HK1: variants seen among roughly 807,000 people sequenced by gnomAD.
The protein encoded by HK1 is hexokinase 1, also known as hexokinase-1.
Under a neutral mutation model 91.6 loss-of-function variants are expected in HK1, and 28 were observed. The observed-to-expected ratio is 0.31, with a 90% confidence interval of 0.23 to 0.42. The LOEUF (loss-of-function observed/expected upper bound fraction) is 0.42. HK1 is among the 10% of genes least tolerant of loss of function. HK1 has a pLI of 1.00. For synonymous variants in HK1, 430 were observed against 468.1 expected (o/e 0.92, Z 1.05); for missense variants, 770 against 1,219.8 (o/e 0.63, Z 5.49).
intron 2 of HK1, among the ~76,000 whole-genome samples, chr10:69,347,192 G>A (rs1199343917): frequency 1.3e-5 from 2 of 151,920 alleles, no homozygotes; most frequent in African/African-American, 4.8e-5. Flanking sequence ...TGTATTTTTA[G>A]TAGAGACGGG....
chr10:69,286,551 CTT>C (rs1257841880), intron 2 of HK1, among the ~76,000 whole-genome samples: 8 of 143,814 alleles, frequency 5.6e-5, no homozygotes, highest in Admixed American at 2.1e-4. Context: ...TCACGCTTTA[CTT>C]TTTTTTTTTT....
At chr10:69,298,365 T>C (rs1845675677) in intron 4 of HK1, among the ~76,000 whole-genome samples, 1 of 151,820 alleles carries the variant, frequency 6.6e-6, no homozygotes, top group African/African-American at 2.4e-5. Context: ...TAGTGACTCA[T>C]ACCTGTAATA....
chr10:69,372,184 T>C (rs1850043307), intron 7 of HK1, among the ~76,000 whole-genome samples: 1 of 152,208 alleles, frequency 6.6e-6, no homozygotes, highest in Non-Finnish European at 1.5e-5. Flanking sequence ...AAGACTTGCT[T>C]CCACGTTCAG....
chr10:69,279,870 A>G (rs1258379996), intron 1 of HK1, among the ~76,000 whole-genome samples: 1 of 152,242 alleles, frequency 6.6e-6, no homozygotes, highest in Admixed American at 6.5e-5. Flanking sequence ...GCTGGAGAGC[A>G]CATGTGCTTG....
Position 69,384,398 on chromosome 10 carries a change from C to T in HK1, c.1636C>T (p.Arg546Cys), listed in dbSNP as rs753390525. 5.6e-6 allele frequency: 9 copies of T among 1,614,046 alleles called. No homozygotes were observed. Among genetic ancestry groups the T allele is most frequent in the African/African-American group, 4.0e-5 (3 of 74,920 alleles). Reference sequence around the variant, plus strand: ...TTTCCGTGTGCTGCTGGTGAAAATCCGTAGTGGGAAAAAGAGAACGGTGGA... The same window carrying T: ...TTTCCGTGTGCTGCTGGTGAAAATCTGTAGTGGGAAAAAGAGAACGGTGGA... ...TNFRVLLVKI[R>C]SGKKRTVEMH... The change falls in exon 11 of 18, where the codon CGT (arginine) becomes TGT (cysteine). Residue 546 changes from arginine (R) to cysteine (C), a missense_variant. Physicochemically the swap from Arg to Cys is radical, Grantham distance 180. This residue lies in a region of HK1 where 48 missense variants were observed against 128.2 expected (regional missense o/e 0.37). Coordinates refer to ENST00000359426, the MANE Select transcript of HK1 (RefSeq NM_000188.3).
At chr10:69,357,214 G>A (rs910306567) in intron 2 of HK1, among the ~76,000 whole-genome samples, 3 of 152,112 alleles carry the variant, frequency 2.0e-5, no homozygotes, top group Non-Finnish European at 2.9e-5. Context: ...AAATGAAAAC[G>A]TGTCCACACA....
chr10:69,373,121 G>A (rs908289426), intron 7 of HK1, among the ~76,000 whole-genome samples: 2 of 152,228 alleles, frequency 1.3e-5, no homozygotes, highest in East Asian at 3.9e-4. Context: ...CAGCCACCTT[G>A]GCCTCTCAAA....
chr10:69,291,862 C>G (rs953910920), intron 3 of HK1, among the ~76,000 whole-genome samples: 32 of 152,214 alleles, frequency 2.1e-4, no homozygotes, highest in Admixed American at 1.4e-3. Context: ...TGTTGCCTTA[C>G]TATTAATTCT....
chr10:69,378,434 T>G, intron 8 of HK1, among the ~76,000 whole-genome samples: 1 of 152,160 alleles, frequency 6.6e-6, no homozygotes, highest in East Asian at 1.9e-4. Flanking sequence ...CCAGTGGGTT[T>G]TCGTTTTTGT....
At chr10:69,302,073 C>T (rs553572696) in intron 5 of HK1, among the ~76,000 whole-genome samples, 80 of 151,894 alleles carry the variant, frequency 5.3e-4, no homozygotes, top group African/African-American at 1.9e-3. Flanking sequence ...TGGTGAAACC[C>T]CATCTCTACT....
At chr10:69,383,663 G>C (rs1399057520) in intron 10 of HK1, among the ~76,000 whole-genome samples, 2 of 152,264 alleles carry the variant, frequency 1.3e-5, no homozygotes, top group African/African-American at 4.8e-5. Context: ...TGTTGAGTCA[G>C]CTGGGAGGCA....
intron 1 of HK1, among the ~76,000 whole-genome samples, chr10:69,277,200 G>T (rs559370966): frequency 6.6e-6 from 1 of 152,006 alleles, no homozygotes; most frequent in Admixed American, 6.6e-5. Context: ...TTGCATCATT[G>T]GTTGCAAGTC....
intron 1 of HK1, among the ~76,000 whole-genome samples, chr10:69,331,817 A>C (rs1714727058): frequency 6.6e-6 from 1 of 152,158 alleles, no homozygotes; most frequent in Admixed American, 6.5e-5. Flanking sequence ...TCAAGGCTGC[A>C]GTGAGCCATG....
chr10:69,295,613 T>C, intron 3 of HK1: 3 of 1,578,438 alleles, frequency 1.9e-6, no homozygotes, highest in Non-Finnish European at 2.6e-6. Flanking sequence ...AACACTTTAC[T>C]TGTCCTGTCT....
intron 8 of HK1, among the ~76,000 whole-genome samples, chr10:69,378,288 A>G (rs142197856): frequency 4.6e-5 from 7 of 151,684 alleles, no homozygotes; most frequent in Non-Finnish European, 7.4e-5. Flanking sequence ...GAAAGCATGT[A>G]TATTATAATA....
At chr10:69,331,894 T>TAA (rs1201929002) in intron 1 of HK1, among the ~76,000 whole-genome samples, 2 of 148,710 alleles carry the variant, frequency 1.3e-5, no homozygotes, top group African/African-American at 5.2e-5. Context: ...AAAAAAAATT[T>TAA]TTTTTCTGAT....
chr10:69,296,152 G>A (rs1049653789), intron 4 of HK1: 1 of 193,206 alleles, frequency 5.2e-6, no homozygotes, highest in African/African-American at 2.3e-5. Context: ...CCAAATCAAA[G>A]AGTTTCCTGC....
chr10:69,284,659 GAC>G (rs1185539776), intron 2 of HK1, among the ~76,000 whole-genome samples: 1 of 152,104 alleles, frequency 6.6e-6, no homozygotes, highest in African/African-American at 2.4e-5. Flanking sequence ...CTTTTTCTGA[GAC>G]AGAATCTTGC....
At chr10:69,315,039 T>G (rs907706411), upstream of HK1, among the ~76,000 whole-genome samples, 1 of 152,184 alleles carries the variant, frequency 6.6e-6, no homozygotes, top group Non-Finnish European at 1.5e-5. Context: ...CTGGGCAACA[T>G]GGCAAGACCT....
Sources: gnomAD v4.1 joint callset for allele counts (sites outside exome capture counted in the v4.1 genomes callset) on GRCh38, gnomAD v4.1.1 for gene constraint, gnomAD v4.1.1 regional missense constraint, MANE v1.5 for transcripts, NCBI Gene and HGNC (gene_info 2026-07-23, HGNC 2026-07-21) for gene names.